CDH6: variants seen among roughly 807,000 people sequenced by gnomAD.
CDH6 encodes the protein cadherin-6.
In CDH6, 31 loss-of-function variants were observed where a neutral mutation model predicts 78.0. The ratio of observed to expected loss-of-function variants is 0.40; its 90% confidence interval spans 0.30 to 0.54. The LOEUF (loss-of-function observed/expected upper bound fraction) is 0.54. CDH6 is among the 20% of genes least tolerant of loss of function. The pLI is 0.56. For synonymous variants in CDH6, 376 were observed against 368.8 expected (o/e 1.02, Z -0.23); for missense variants, 724 against 975.9 (o/e 0.74, Z 3.44).
intron 2 of CDH6, among the ~76,000 whole-genome samples, chr5:31,280,159 A>G (rs1742816735): frequency 6.6e-6 from 1 of 152,202 alleles, no homozygotes; most frequent in Non-Finnish European, 1.5e-5. Context: ...AGGGTGGGAG[A>G]GAGAGAAAAG....
chr5:31,288,322 A>T (rs186216447), intron 2 of CDH6, among the ~76,000 whole-genome samples: 199 of 152,348 alleles, frequency 1.3e-3, no homozygotes, highest in African/African-American at 4.5e-3. Context: ...CAAATTATTA[A>T]CATTCAAATA....
At position 31,207,292 on chromosome 5, in the gene CDH6, T is replaced by G. The variant is rs145886875; in HGVS notation, c.-129+13406T>G. On this transcript the variant is annotated intron_variant, in intron 1 of 11. Coordinates refer to ENST00000265071, the MANE Select transcript of CDH6 (RefSeq NM_004932.4). ...CTTTTAGTCATGAAATCTATTGGGATCTTCCATTACTAACTCTGGAGTTGA... is the reference window on the plus strand; with the variant it reads ...CTTTTAGTCATGAAATCTATTGGGAGCTTCCATTACTAACTCTGGAGTTGA... Among the ~76,000 whole-genome samples, 18 of 152,316 alleles carry G rather than the reference T, an allele frequency of 1.2e-4. No individual in the cohort carries two copies. In the East Asian group the frequency reaches 1.5e-3, roughly 13 times the overall value.
At chr5:31,270,773 T>C (rs1742509921) in intron 2 of CDH6, among the ~76,000 whole-genome samples, 1 of 152,106 alleles carries the variant, frequency 6.6e-6, no homozygotes, top group African/African-American at 2.4e-5. Flanking sequence ...CTCCGCTTAC[T>C]GCAGCCTCGA....
intron 2 of CDH6, among the ~76,000 whole-genome samples, chr5:31,272,173 A>C (rs1422926693): frequency 6.6e-6 from 1 of 152,204 alleles, no homozygotes; most frequent in African/African-American, 2.4e-5. Flanking sequence ...GAGAATTGCC[A>C]GGACCTCCCA....
At chr5:31,265,931 C>T (rs1418757834) in intron 1 of CDH6, among the ~76,000 whole-genome samples, 12 of 151,606 alleles carry the variant, frequency 7.9e-5, no homozygotes, top group Admixed American at 1.3e-4. Context: ...CCCGCCACCA[C>T]GCCCGGCTAA....
At position 31,302,751 on chromosome 5, in the gene CDH6, GAGAAAGAA is replaced by G. The variant is rs67658592; in HGVS notation, c.999+470_999+477del. ...AGAAAGAAGGAAGGAAGGAAGGAAG[GAGAAAGAA>G]AGAAAGAAAGAAAGAAGAAAGAGAG... is the stretch of plus-strand genomic sequence containing the variant. On this transcript the variant is annotated intron_variant, in intron 6 of 11. Coordinates refer to ENST00000265071, the MANE Select transcript of CDH6 (RefSeq NM_004932.4). Among the ~76,000 whole-genome samples the G allele has an allele frequency of 7.8e-4, 42 of 54,004 alleles. 1 individual carries two copies. The highest frequency in any genetic ancestry group is 1.3e-3 in the South Asian group (2 of 1,484). 35.4% of individuals were successfully genotyped at this position (54,004 alleles called of 152,430 possible).
At chr5:31,308,655 T>C (rs1292102852) in intron 7 of CDH6, among the ~76,000 whole-genome samples, 1 of 152,148 alleles carries the variant, frequency 6.6e-6, no homozygotes, top group Non-Finnish European at 1.5e-5. Context: ...TATTAATTTT[T>C]AAATGTCCCA....
At chr5:31,311,400 T>C (rs1738147605) in intron 7 of CDH6, among the ~76,000 whole-genome samples, 1 of 152,190 alleles carries the variant, frequency 6.6e-6, no homozygotes, top group African/African-American at 2.4e-5. Context: ...GTCAAAACCT[T>C]TCAACAAGTC....
rs1312302181 is a variant in CDH6 at position 31,324,376 on chromosome 5, A to G, written c.*1068A>G. The G allele has an allele frequency of 1.4e-5, 3 of 214,864 alleles. No individual in the cohort carries two copies. Among genetic ancestry groups the G allele is most frequent in the Non-Finnish European group, 2.8e-5 (3 of 106,596 alleles). The allele number at this position is 214,864 out of a possible 1,614,324, so 13.3% of individuals were successfully genotyped here. A position where few individuals can be genotyped will look rare whatever the true frequency, so the allele number is the denominator to read the frequency against. ...TCTAGGAGTTCAGTGGAGAGGTTAGAGCCAGCCACACTTGAACCTAATACC... is the reference window on the plus strand; with the variant it reads ...TCTAGGAGTTCAGTGGAGAGGTTAGGGCCAGCCACACTTGAACCTAATACC... On this transcript the variant is annotated 3_prime_UTR_variant, in exon 12 of 12. Transcript: ENST00000265071.
intron 2 of CDH6, among the ~76,000 whole-genome samples, chr5:31,285,899 T>C (rs1347934920): frequency 6.6e-6 from 1 of 152,208 alleles, no homozygotes; most frequent in Non-Finnish European, 1.5e-5. Context: ...ATAACTTGAA[T>C]TACCTCCTCA....
Position 31,325,093 on chromosome 5 carries a change from A to G in CDH6, c.*1785A>G. On this transcript the variant is annotated 3_prime_UTR_variant, in exon 12 of 12. Transcript: ENST00000265071. ...CACACTGTTGTTTAGTTAAGTTTTA[A>G]ATAGGTGTATTACCCAAGAAGTAAA... 1 of 222,888 alleles carries G rather than the reference A, an allele frequency of 4.5e-6. No homozygotes were observed. The highest frequency in any genetic ancestry group is 6.5e-5 in the East Asian group (1 of 15,336). 13.8% of individuals were successfully genotyped at this position (222,888 alleles called of 1,614,324 possible).
intron 5 of CDH6, among the ~76,000 whole-genome samples, chr5:31,299,984 T>A (rs1737718682): frequency 6.6e-6 from 1 of 152,260 alleles, no homozygotes; most frequent in Non-Finnish European, 1.5e-5. Flanking sequence ...GTTTTGTGAA[T>A]TTAATCAGGC....
rs1738620277 is a variant in CDH6 at position 31,326,173 on chromosome 5, T to C, written c.*2865T>C. 4.4e-6 allele frequency: 1 copy of C among 227,940 alleles called. No homozygotes were observed. Among genetic ancestry groups the C allele is most frequent in the African/African-American group, 2.2e-5 (1 of 45,108 alleles). The allele number at this position is 227,940 out of a possible 1,614,324, so 14.1% of individuals were successfully genotyped here. On this transcript the variant is annotated 3_prime_UTR_variant, in exon 12 of 12. Transcript: ENST00000265071. ...AGTGGGAAGAAGTAAAATTTTAATA[T>C]TTGTTTCAATCACTTTGAAACTAAA...
rs565296608 is a variant in CDH6, at chr5:31,256,220, A to G, written c.-128-11126A>G. Among the ~76,000 whole-genome samples, 15 of 152,340 alleles carry G rather than the reference A, an allele frequency of 9.8e-5. No individual in the cohort carries two copies. The South Asian group carries it at 2.9e-3, about 29-fold the overall frequency. On this transcript the variant is annotated intron_variant, in intron 1 of 11. Transcript: ENST00000265071. ...AAACAACTCCAAAAAGCAAAGCTTT[A>G]AATACAGGAACGGTCGGTAAGTAAT...
chr5:31,221,204 C>G (rs114857029), intron 1 of CDH6, among the ~76,000 whole-genome samples: 1 of 152,160 alleles, frequency 6.6e-6, no homozygotes, highest in Non-Finnish European at 1.5e-5. Context: ...CACTCACTCA[C>G]CAGTCAAGCA....
At chr5:31,203,199 A>C (rs1346965708) in intron 1 of CDH6, among the ~76,000 whole-genome samples, 2 of 150,144 alleles carry the variant, frequency 1.3e-5, no homozygotes, top group South Asian at 4.2e-4. Flanking sequence ...TTTTTTATAA[A>C]GCGAGAGAGA....
intron 1 of CDH6, among the ~76,000 whole-genome samples, chr5:31,263,250 GTC>G (rs1167538234): frequency 1.4e-5 from 2 of 146,302 alleles, no homozygotes; most frequent in African/African-American, 5.2e-5. Flanking sequence ...TGTGATTCAG[GTC>G]TCTCTTCTTT....
chr5:31,305,315 C>A lies in CDH6; in HGVS notation c.1141C>A (p.Pro381Thr). ...TGTGGTGGAGGATGTAGATGAGCCACCTGTCTTCAGCAAACTGGCCTACAT... is the reference window on the plus strand; with the variant it reads ...TGTGGTGGAGGATGTAGATGAGCCAACTGTCTTCAGCAAACTGGCCTACAT... ...RIVVEDVDEP[P>T]VFSKLAYILQ... Residue 381 changes from proline (P) to threonine (T), a missense_variant, in exon 7 of 12, where the codon CCT becomes ACT. By Grantham distance (38) the Pro-to-Thr change is conservative. Transcript: ENST00000265071. 1 of 1,614,140 alleles carries A rather than the reference C, an allele frequency of 6.2e-7. No individual in the cohort carries two copies. Among genetic ancestry groups the A allele is most frequent in the Non-Finnish European group, 8.5e-7 (1 of 1,180,010 alleles).
chr5:31,262,731 C>T lies in CDH6; in HGVS notation c.-128-4615C>T, dbSNP rs73089354. ...TTTTGTGATTGAATAACCCTGCCTG[C>T]TATTTTAAGTTCAGTATCTGAGCAT... On this transcript the variant is annotated intron_variant, in intron 1 of 11. Coordinates refer to ENST00000265071, the MANE Select transcript of CDH6 (RefSeq NM_004932.4). Among the ~76,000 whole-genome samples the T allele has an allele frequency of 7.3e-3, 1,104 of 152,242 alleles. 18 individuals are homozygous for T. The highest frequency in any genetic ancestry group is 0.026 in the African/African-American group (1,060 of 41,544).
Sources: allele counts gnomAD v4.1 joint callset (sites outside exome capture counted in the v4.1 genomes callset), GRCh38; gene constraint gnomAD v4.1.1; transcripts MANE v1.5; gene names NCBI Gene and HGNC (gene_info 2026-07-23, HGNC 2026-07-21).